Variants in PSMC1 observed in about 807,000 individuals in gnomAD.
PSMC1 encodes 26S proteasome regulatory subunit 4.
PSMC1 carries 5 observed loss-of-function variants against 49.8 expected under a neutral mutation model. The ratio of observed to expected loss-of-function variants is 0.10; its 90% CI spans 0.05 to 0.21. The LOEUF is 0.21. PSMC1 is among the 10% of genes least tolerant of loss of function. The pLI is 1.00. For missense variants in PSMC1, 181 were observed against 535.7 expected (o/e 0.34, Z 6.54); for synonymous variants, 155 against 192.1 (o/e 0.81, Z 1.60).
In PSMC1 at chr14:90,265,053, C is replaced by T. The variant is rs1022970186; in HGVS notation, c.595-17C>T. 5.1e-6 allele frequency: 8 copies of T among 1,559,124 alleles called. No homozygotes were observed. In the African/African-American group the frequency reaches 9.5e-5, roughly 19 times the overall value. On this transcript the variant is annotated splice_polypyrimidine_tract_variant and intron_variant, in intron 6 of 10. Coordinates refer to ENST00000261303, the MANE Select transcript of PSMC1 (RefSeq NM_002802.3). ...AATAATTTCAGTAAAGCCTTTCATT[C>T]ATACTGTTTTTCATAGGAATCTGTG...
chr14:90,272,663 C>A lies in PSMC1; in HGVS notation c.*256C>A. 3.2e-6 allele frequency: 1 copy of A among 315,594 alleles called. No individual in the cohort carries two copies. Among genetic ancestry groups the A allele is most frequent in the Non-Finnish European group, 6.2e-6 (1 of 162,172 alleles). The allele number at this position is 315,594 out of a possible 1,614,324, so 19.5% of individuals were successfully genotyped here. ...GCAGTCTCCACACACACCTACCGCT[C>A]AACAGCAGCCTGTGGGTGGACCCAG... On this transcript the variant is annotated 3_prime_UTR_variant, in exon 11 of 11. Transcript: ENST00000261303. The surrounding 1 kb of genome is among the most constrained non-coding windows in gnomAD (Gnocchi z 4.5).
intron 3 of PSMC1, 27 bp downstream of exon 3, chr14:90,260,238 C>G: frequency 6.7e-7 from 1 of 1,499,540 alleles, no homozygotes; most frequent in Non-Finnish European, 9.2e-7. Flanking sequence ...TCCTTGCCAT[C>G]TTTCCAGTTC....
rs1310540849 is a variant in PSMC1, at chr14:90,256,574, G to A, written c.-24G>A. ...CAGTGGTGGAGGAACTTCCGGCAGC[G>A]GCAGCTCAAGTGGCCAAGGCAAGAT... On this transcript the variant is annotated 5_prime_UTR_variant, in exon 1 of 11. Transcript: ENST00000261303. 16 of 1,584,492 alleles carry A rather than the reference G, an allele frequency of 1.0e-5. No individual in the cohort carries two copies. Among genetic ancestry groups the A allele is most frequent in the East Asian group, 2.3e-5 (1 of 43,666 alleles).
chr14:90,259,135 TCTGTGC>T lies in PSMC1; in HGVS notation c.4-21_4-16del, dbSNP rs1891348935. On this transcript the variant is annotated intron_variant, in intron 1 of 10. Coordinates refer to ENST00000261303, the MANE Select transcript of PSMC1 (RefSeq NM_002802.3). ...GAAGTGATCATATTCTGAATTTACATCTGTGCCTGATTTTTCTCCTCCAGGGTCAAA... is the reference window on the plus strand; with the variant it reads ...GAAGTGATCATATTCTGAATTTACATCTGATTTTTCTCCTCCAGGGTCAAA... The T allele has an allele frequency of 6.2e-7, 1 of 1,612,516 alleles. No individual in the cohort carries two copies. Among genetic ancestry groups the T allele is most frequent in the South Asian group, 1.1e-5 (1 of 90,980 alleles).
intron 1 of PSMC1, among the ~76,000 whole-genome samples, chr14:90,256,846 T>A (rs1242275950): frequency 6.6e-6 from 1 of 152,150 alleles, no homozygotes; most frequent in Non-Finnish European, 1.5e-5. Context: ...GAGGGTCTCC[T>A]GCGTGGTCTT....
In PSMC1 at chr14:90,273,102, C is replaced by T. The variant is rs17799220; in HGVS notation, c.*695C>T. 3 of 152,188 alleles carry T rather than the reference C, an allele frequency of 2.0e-5. No individual in the cohort carries two copies. The highest frequency in any genetic ancestry group is 2.9e-5 in the Non-Finnish European group (2 of 68,016). 9.4% of individuals were successfully genotyped at this position (152,188 alleles called of 1,614,324 possible). Reference sequence around the variant, plus strand: ...CTTTCTCCGTCTATTTCCGTCATTTCTCTTTCTGAACAAATCAGGCCTAAA... The same window carrying T: ...CTTTCTCCGTCTATTTCCGTCATTTTTCTTTCTGAACAAATCAGGCCTAAA... On this transcript the variant is annotated 3_prime_UTR_variant, in exon 11 of 11. Transcript: ENST00000261303.
intron 7 of PSMC1, 197 bp from the exon 8 acceptor site, chr14:90,268,027 C>T (rs1386595040): frequency 4.0e-6 from 2 of 499,396 alleles, no homozygotes; most frequent in East Asian, 6.4e-5. Flanking sequence ...ATAATCCAAA[C>T]ATGTTAGTAG....
intron 3 of PSMC1, 32 bp from the exon 4 acceptor site, chr14:90,263,286 A>C: frequency 6.4e-7 from 1 of 1,572,482 alleles, no homozygotes; most frequent in Non-Finnish European, 8.6e-7. Context: ...TTCAGGGTCC[A>C]CATATAATGA....
intron 7 of PSMC1, among the ~76,000 whole-genome samples, chr14:90,266,114 G>GTGT (rs760821244): frequency 3.6e-4 from 55 of 152,168 alleles, no homozygotes; most frequent in Non-Finnish European, 6.3e-4. Flanking sequence ...AACTAGCCAG[G>GTGT]TGTGGTGACA....
intron 3 of PSMC1, among the ~76,000 whole-genome samples, chr14:90,261,536 G>A (rs1394018485): frequency 6.6e-6 from 1 of 152,076 alleles, no homozygotes; most frequent in African/African-American, 2.4e-5. Flanking sequence ...GGAATAGGGT[G>A]GGTTATTTAA....
chr14:90,258,209 A>G (rs1219071675), intron 1 of PSMC1, among the ~76,000 whole-genome samples: 1 of 152,152 alleles, frequency 6.6e-6, no homozygotes, highest in East Asian at 1.9e-4. Flanking sequence ...TCTGCAAATG[A>G]GGGGGTAATG....
Position 90,269,671 on chromosome 14 carries a change from A to C in PSMC1, c.1033+123A>C, listed in dbSNP as rs1891611519. ...AAATACTGCAGTGAAACTTAGGATA[A>C]TTTACAAAAAAATAGGTCCTCTTGA... On this transcript the variant is annotated intron_variant, in intron 9 of 10. Transcript: ENST00000261303. 8 of 1,131,524 alleles carry C rather than the reference A, an allele frequency of 7.1e-6. No homozygotes were observed. The South Asian group carries it at 1.3e-4, about 18-fold the overall frequency. The allele number at this position is 1,131,524 out of a possible 1,614,324, so 70.1% of individuals were successfully genotyped here.
At position 90,265,181 on chromosome 14, in the gene PSMC1, T is replaced by C; in HGVS notation, c.691+15T>C. ...ACCTGGCACAGGTATGCTCTGTTTT[T>C]GACACTTTCCAGGCACCCAGCTGGT... On this transcript the variant is annotated intron_variant, in intron 7 of 10. Transcript: ENST00000261303. 6.3e-7 allele frequency: 1 copy of C among 1,583,920 alleles called. No homozygotes were observed. Among genetic ancestry groups the C allele is most frequent in the South Asian group, 1.1e-5 (1 of 89,822 alleles).
chr14:90,263,669 G>A lies in PSMC1; in HGVS notation c.287G>A (p.Arg96Lys), dbSNP rs1323188324. 1 of 1,613,212 alleles carries A rather than the reference G, an allele frequency of 6.2e-7. No individual in the cohort carries two copies. Residue 96 changes from arginine (R) to lysine (K), a missense_variant, in exon 5 of 11, where the codon AGA becomes AAA. By Grantham distance (26) the Arg-to-Lys change is conservative (BLOSUM62 2). Transcript: ENST00000261303. ...TGGCATTTTCATATGTAGGAGGAAA[G>A]ATCAAAAGTGGATGATCTGAGGGGG... ...KPLEEKQEEERSKVDDLRGTP... is the reference protein window; with the variant it reads ...KPLEEKQEEEKSKVDDLRGTP...
chr14:90,260,738 G>T, intron 3 of PSMC1, among the ~76,000 whole-genome samples: 1 of 149,040 alleles, frequency 6.7e-6, no homozygotes, highest in South Asian at 2.1e-4. Flanking sequence ...TCTCAAAAAA[G>T]AAAAAAAAAC....
Position 90,267,191 on chromosome 14 carries a change from G to A in PSMC1, c.692-1033G>A, listed in dbSNP as rs373497539. ...GTCGCCCAGGCTGGAGTGCAATGGC[G>A]CGATCTTGGCTCACTGCAATCTCCG... On this transcript the variant is annotated intron_variant, in intron 7 of 10. Coordinates refer to ENST00000261303, the MANE Select transcript of PSMC1 (RefSeq NM_002802.3). Among the ~76,000 whole-genome samples the A allele has an allele frequency of 6.0e-5, 9 of 151,042 alleles. No homozygotes were observed. The East Asian group carries it at 1.2e-3, about 20-fold the overall frequency.
At chr14:90,259,365 G>T in intron 2 of PSMC1, 152 bp downstream of exon 2, 1 of 609,252 alleles carries the variant, frequency 1.6e-6, no homozygotes. Flanking sequence ...CAATAAATAT[G>T]CTTTTCATGC....
At chr14:90,271,487 G>C (rs773286906) in intron 10 of PSMC1, 6 of 151,916 alleles carry the variant, frequency 3.9e-5, no homozygotes, top group Non-Finnish European at 8.8e-5. Context: ...TAAATATATT[G>C]GAATAAATGC....
chr14:90,258,929 A>G (rs903518044), intron 1 of PSMC1, among the ~76,000 whole-genome samples: 3 of 152,240 alleles, frequency 2.0e-5, no homozygotes, highest in Non-Finnish European at 2.9e-5. Flanking sequence ...AGATGCAATC[A>G]ATTGCCAGGT....
Sources: allele counts gnomAD v4.1 joint callset (sites outside exome capture counted in the v4.1 genomes callset), GRCh38; gene constraint gnomAD v4.1.1; non-coding constraint Gnocchi (gnomAD v3.1); transcripts MANE v1.5; gene names NCBI Gene and HGNC (gene_info 2026-07-23, HGNC 2026-07-21).